PIK3R6: variants seen among roughly 807,000 people sequenced by gnomAD.
PIK3R6 encodes phosphoinositide-3-kinase regulatory subunit 6.
In PIK3R6, 91 loss-of-function variants were observed where a neutral mutation model predicts 84.9. That is an observed-to-expected ratio of 1.07 (90% CI 0.90 to 1.28). PIK3R6 has a LOEUF of 1.28. Ranked by LOEUF, PIK3R6 falls within the 50% of genes most tolerant of loss-of-function variation. The pLI is 0.00. For synonymous variants in PIK3R6, 416 were observed against 411.4 expected (o/e 1.01, Z -0.13); for missense variants, 996 against 985.1 (o/e 1.01, Z -0.15).
chr17:8,813,041 A>G (rs1238835738), intron 18 of PIK3R6, among the ~76,000 whole-genome samples: 1 of 152,178 alleles, frequency 6.6e-6, no homozygotes, highest in Non-Finnish European at 1.5e-5. Context: ...AATAAGCACA[A>G]TCAGAAATGA....
intron 18 of PIK3R6, among the ~76,000 whole-genome samples, chr17:8,815,560 A>C (rs2087507170): frequency 6.6e-6 from 1 of 152,142 alleles, no homozygotes; most frequent in East Asian, 1.9e-4. Context: ...ATGTCAATAC[A>C]TTCCAAAGAA....
In PIK3R6 at chr17:8,833,040, G is replaced by A. The variant is rs2088314462; in HGVS notation, c.651C>T (p.Ser217=). The change falls in exon 9 of 20, where the codon AGC becomes AGT. Residue 217 remains serine, a synonymous_variant. Transcript: ENST00000619866. The stretch of plus-strand genomic sequence containing the variant: ...AATAGTGCTCCAGGGTGCGGCGAGG[G>A]CTGGCCTGTTGGGGAGGGGCGTCAG... ...AGALHRKLQA[S]PRRTLEHYFH... The A allele has an allele frequency of 5.0e-6, 8 of 1,587,960 alleles. No homozygotes were observed. Among genetic ancestry groups the A allele is most frequent in the Non-Finnish European group, 6.8e-6 (8 of 1,170,214 alleles).
chr17:8,804,886 A>G (rs964398641), intron 18 of PIK3R6, among the ~76,000 whole-genome samples: 3 of 152,228 alleles, frequency 2.0e-5, no homozygotes, highest in African/African-American at 4.8e-5. Flanking sequence ...CATAAGAATC[A>G]ATTTTCAAAA....
chr17:8,849,646 G>A (rs2088894229), intron 2 of PIK3R6, 136 bp downstream of exon 2: 2 of 980,268 alleles, frequency 2.0e-6, no homozygotes, highest in African/African-American at 1.7e-5. Flanking sequence ...ATTTAGGCAG[G>A]ATCCCTGAAT....
intron 17 of PIK3R6, among the ~76,000 whole-genome samples, chr17:8,821,203 A>G (rs1437854785): frequency 6.6e-6 from 1 of 152,210 alleles, no homozygotes; most frequent in Non-Finnish European, 1.5e-5. Flanking sequence ...GTGGTAAGGA[A>G]CATAGGCTCT....
chr17:8,827,091 C>T (rs2087943315), intron 13 of PIK3R6, 81 bp downstream of exon 13: 10 of 1,502,910 alleles, frequency 6.7e-6, no homozygotes, highest in Non-Finnish European at 7.2e-6. Context: ...TCGCTGCCTA[C>T]TTGGGCTCCT....
rs1355592631 is a variant in PIK3R6, at chr17:8,839,309, C to T, written c.97+305G>A. 1.3e-5 allele frequency among the ~76,000 whole-genome samples: 2 copies of T among 151,886 alleles called. No individual in the cohort carries two copies. Among genetic ancestry groups the T allele is most frequent in the African/African-American group, 4.8e-5 (2 of 41,320 alleles). On this transcript the variant is annotated intron_variant, in intron 3 of 19. Coordinates refer to ENST00000619866, the MANE Select transcript of PIK3R6 (RefSeq NM_001010855.4). This position sits in a 1 kb window ranked among gnomAD's most constrained non-coding sequence, Gnocchi z 4.2. The stretch of plus-strand genomic sequence containing the variant: ...GTTGTGGTGAGCCGAGTTTGCACCA[C>T]TGCACTGCAGCCTGGGTGACAGAGT...
intron 17 of PIK3R6, 46 bp from the exon 18 acceptor site, chr17:8,819,244 G>A (rs995826170): frequency 2.1e-6 from 3 of 1,405,680 alleles, no homozygotes; most frequent in Admixed American, 2.0e-5. Context: ...AGGGAAGTAG[G>A]GGAGTTTGAT....
At chr17:8,865,087 T>C (rs1004963033) in intron 1 of PIK3R6, among the ~76,000 whole-genome samples, 6 of 152,058 alleles carry the variant, frequency 3.9e-5, no homozygotes, top group Non-Finnish European at 7.4e-5. Flanking sequence ...CAGCTGCTGC[T>C]CCCTGTTGTT....
intron 5 of PIK3R6, 147 bp from the exon 6 acceptor site, chr17:8,837,070 C>T (rs2088497961): frequency 9.3e-6 from 6 of 647,284 alleles, no homozygotes; most frequent in African/African-American, 1.8e-5. Flanking sequence ...CCTGGGCTCA[C>T]AGCTCTCTCC....
chr17:8,822,499 CTCTA>C, intron 16 of PIK3R6, 84 bp downstream of exon 16: 2 of 1,443,156 alleles, frequency 1.4e-6, no homozygotes, highest in Admixed American at 3.7e-5. Flanking sequence ...CTTCCTTTGG[CTCTA>C]TCTGCTTCCC....
chr17:8,814,519 A>G (rs1049897798), intron 18 of PIK3R6, among the ~76,000 whole-genome samples: 1 of 152,110 alleles, frequency 6.6e-6, no homozygotes, highest in Non-Finnish European at 1.5e-5. Flanking sequence ...TGCCCAGTCA[A>G]GAGACCATAT....
intron 8 of PIK3R6, among the ~76,000 whole-genome samples, chr17:8,833,541 C>CTTTTTTTT (rs3884448): frequency 7.6e-6 from 1 of 130,798 alleles, no homozygotes. Context: ...GAGAAAGTGA[C>CTTTTTTTT]TTTTTTTTTT....
chr17:8,835,060 ACTC>A (rs1226553450), intron 8 of PIK3R6, among the ~76,000 whole-genome samples: 3 of 150,756 alleles, frequency 2.0e-5, no homozygotes, highest in African/African-American at 7.3e-5. Flanking sequence ...CTGGTCTTGA[ACTC>A]CTGACCTCAG....
chr17:8,838,750 G>T (rs2151275008), intron 3 of PIK3R6, 95 bp from the exon 4 acceptor site: 1 of 1,246,316 alleles, frequency 8.0e-7, no homozygotes. Context: ...AGCCTCAGCT[G>T]CAGCTCTGAC....
chr17:8,813,190 T>C (rs2087411288), intron 18 of PIK3R6, among the ~76,000 whole-genome samples: 1 of 151,782 alleles, frequency 6.6e-6, no homozygotes, highest in Admixed American at 6.6e-5. Flanking sequence ...CTTCCAAAGA[T>C]TGAACCAAGA....
chr17:8,840,997 C>T (rs2151281138), intron 2 of PIK3R6, among the ~76,000 whole-genome samples: 1 of 152,134 alleles, frequency 6.6e-6, no homozygotes, highest in South Asian at 2.1e-4. Context: ...CGTGATCTGC[C>T]CGCCTCGGCC....
At chr17:8,819,901 TATAC>T (rs1291732343) in intron 17 of PIK3R6, among the ~76,000 whole-genome samples, 1 of 143,384 alleles carries the variant, frequency 7.0e-6, no homozygotes, top group Admixed American at 6.9e-5. Context: ...TATATATGTG[TATAC>T]ATACATATAT....
chr17:8,866,629 C>G (rs1367718804), intron 1 of PIK3R6, among the ~76,000 whole-genome samples: 1 of 152,156 alleles, frequency 6.6e-6, no homozygotes, highest in Non-Finnish European at 1.5e-5. Flanking sequence ...CACTTGCTTT[C>G]CTGCCTCTGG....
Sources: gnomAD v4.1 joint callset for allele counts (sites outside exome capture counted in the v4.1 genomes callset) on GRCh38, gnomAD v4.1.1 for gene constraint, Gnocchi (gnomAD v3.1) non-coding constraint, MANE v1.5 for transcripts, NCBI Gene and HGNC (gene_info 2026-07-23, HGNC 2026-07-21) for gene names.